The following NECAB1 variants were observed in gnomAD, a reference collection of about 807,000 sequenced individuals.
NECAB1 encodes N-terminal EF-hand calcium-binding protein 1.
NECAB1 carries 29 observed loss-of-function variants against 57.5 expected under a neutral mutation model. That is an observed-to-expected ratio of 0.50 (90% CI 0.38 to 0.69). NECAB1 has a LOEUF of 0.69. NECAB1 is among the 30% of genes least tolerant of loss of function. The probability of loss-of-function intolerance (pLI) is 0.00; values close to 1 mark genes in which losing one functional copy is unlikely to be tolerated. For missense variants in NECAB1, 372 were observed against 413.8 expected (o/e 0.90, Z 0.88); for synonymous variants, 142 against 147.7 (o/e 0.96, Z 0.28).
intron 3 of NECAB1, among the ~76,000 whole-genome samples, chr8:90,866,882 C>T (rs188761161): frequency 1.8e-4 from 27 of 152,236 alleles, no homozygotes; most frequent in Non-Finnish European, 2.8e-4. Flanking sequence ...TATCATTTGA[C>T]CCAGCAATCT....
intron 5 of NECAB1, among the ~76,000 whole-genome samples, chr8:90,889,676 T>G (rs1247922838): frequency 6.6e-6 from 1 of 152,208 alleles, no homozygotes; most frequent in African/African-American, 2.4e-5. Flanking sequence ...TGGCTTCCAT[T>G]TGTCACCACA....
chr8:90,927,144 C>T (rs1251695718), intron 7 of NECAB1, among the ~76,000 whole-genome samples: 9 of 150,300 alleles, frequency 6.0e-5, no homozygotes, highest in East Asian at 2.0e-4. Context: ...TTAAAAAAAA[C>T]ATAAATTTTA....
chr8:90,794,418 G>A (rs1261558246), intron 1 of NECAB1, among the ~76,000 whole-genome samples: 3 of 152,120 alleles, frequency 2.0e-5, no homozygotes, highest in Non-Finnish European at 2.9e-5. Flanking sequence ...ACTGGAACAG[G>A]TAATTTTCTG....
chr8:90,906,885 A>ATATG (rs1554574058), intron 5 of NECAB1, among the ~76,000 whole-genome samples: 1 of 120,926 alleles, frequency 8.3e-6, no homozygotes, highest in African/African-American at 3.5e-5. Context: ...ACATATATAT[A>ATATG]TATATATATA....
At chr8:90,824,178 G>C (rs1446536808) in intron 2 of NECAB1, among the ~76,000 whole-genome samples, 1 of 151,448 alleles carries the variant, frequency 6.6e-6, no homozygotes, top group Non-Finnish European at 1.5e-5. Flanking sequence ...CTCTCTGATT[G>C]GGTTTCACCT....
At chr8:90,844,269 C>CT (rs931416071) in intron 3 of NECAB1, among the ~76,000 whole-genome samples, 27 of 152,054 alleles carry the variant, frequency 1.8e-4, no homozygotes, top group African/African-American at 6.5e-4. Flanking sequence ...CCCACTTGAC[C>CT]TTTGGTTAGT....
chr8:90,917,483 C>A lies in NECAB1; in HGVS notation c.358-9C>A. On this transcript the variant is annotated splice_polypyrimidine_tract_variant and intron_variant, in intron 5 of 12. Coordinates refer to ENST00000417640, the MANE Select transcript of NECAB1 (RefSeq NM_022351.5). The stretch of plus-strand genomic sequence containing the variant: ...ATACTTCTAATTGCATTTGTTTTGT[C>A]ACCCTTAGGACTACCAAGAAGCCTC... 6.4e-7 allele frequency: 1 copy of A among 1,563,650 alleles called. No homozygotes were observed. The highest frequency in any genetic ancestry group is 8.6e-7 in the Non-Finnish European group (1 of 1,158,742).
At chr8:90,896,792 TCTAA>T (rs1460853682) in intron 5 of NECAB1, among the ~76,000 whole-genome samples, 2 of 152,114 alleles carry the variant, frequency 1.3e-5, no homozygotes, top group Non-Finnish European at 1.5e-5. Flanking sequence ...CCTACTCCAC[TCTAA>T]CTCATTCGGA....
intron 2 of NECAB1, among the ~76,000 whole-genome samples, chr8:90,821,124 C>G (rs912565299): frequency 1.3e-5 from 2 of 151,786 alleles, no homozygotes; most frequent in Admixed American, 6.6e-5. Flanking sequence ...CCTCAAGCCC[C>G]CATCGCCCAT....
chr8:90,810,698 T>TA (rs1563493644), intron 2 of NECAB1, among the ~76,000 whole-genome samples: 1 of 152,108 alleles, frequency 6.6e-6, no homozygotes, highest in Non-Finnish European at 1.5e-5. Context: ...AGGCAGACTA[T>TA]AAAAAAACTG....
intron 10 of NECAB1, among the ~76,000 whole-genome samples, chr8:90,949,149 T>A (rs1810874495): frequency 8.2e-5 from 1 of 12,230 alleles, no homozygotes; most frequent in South Asian, 2.1e-3. Flanking sequence ...AGGCACTTTG[T>A]GTGTGTGTGT....
chr8:90,813,593 T>C (rs1450708235), intron 2 of NECAB1, among the ~76,000 whole-genome samples: 1 of 152,188 alleles, frequency 6.6e-6, no homozygotes, highest in Non-Finnish European at 1.5e-5. Flanking sequence ...AGTGGCGTAA[T>C]CATAGCTCAC....
intron 2 of NECAB1, among the ~76,000 whole-genome samples, chr8:90,804,682 A>G (rs1811818614): frequency 6.6e-6 from 1 of 152,168 alleles, no homozygotes; most frequent in African/African-American, 2.4e-5. Context: ...AGGATTGAGG[A>G]TGTTCTGCTC....
chr8:90,800,550 A>G (rs988738385), intron 1 of NECAB1, among the ~76,000 whole-genome samples: 5 of 152,230 alleles, frequency 3.3e-5, no homozygotes, highest in Non-Finnish European at 5.9e-5. Context: ...GGATTTTATC[A>G]AAGTCTTTTC....
At chr8:90,800,339 A>G (rs1278984717) in intron 1 of NECAB1, among the ~76,000 whole-genome samples, 1 of 152,038 alleles carries the variant, frequency 6.6e-6, no homozygotes, top group East Asian at 1.9e-4. Context: ...TTCCAGTACT[A>G]TGTTGAATAG....
intron 1 of NECAB1, among the ~76,000 whole-genome samples, chr8:90,793,996 T>TACAGACCACAGAA (rs1368782899): frequency 7.2e-5 from 11 of 152,216 alleles, no homozygotes; most frequent in African/African-American, 2.4e-4. Context: ...AGTCTGTGAA[T>TACAGACCACAGAA]AGGGTGGTCT....
intron 3 of NECAB1, among the ~76,000 whole-genome samples, chr8:90,828,603 A>G (rs745665911): frequency 5.9e-5 from 9 of 152,056 alleles, no homozygotes; most frequent in Non-Finnish European, 1.0e-4. Flanking sequence ...TAGAAGTGAA[A>G]AGAACCCTGA....
intron 6 of NECAB1, among the ~76,000 whole-genome samples, chr8:90,922,980 T>C (rs975412198): frequency 6.6e-6 from 1 of 152,068 alleles, no homozygotes; most frequent in African/African-American, 2.4e-5. Flanking sequence ...GGACAGAAAC[T>C]TGGAAGGTGG....
In NECAB1 at chr8:90,890,496, T is replaced by C. The variant is rs1036290960; in HGVS notation, c.357+9366T>C. Among the ~76,000 whole-genome samples, 3 of 152,278 alleles carry C rather than the reference T, an allele frequency of 2.0e-5. No individual in the cohort carries two copies. In the East Asian group the frequency reaches 5.8e-4, roughly 29 times the overall value. ...GCAATGTGAGAACAGACTAATACAGTAAAAATTCTGAAAGATAATGAGAAT... is the reference window on the plus strand; with the variant it reads ...GCAATGTGAGAACAGACTAATACAGCAAAAATTCTGAAAGATAATGAGAAT... On this transcript the variant is annotated intron_variant, in intron 5 of 12. Transcript: ENST00000417640.
Sources: allele counts gnomAD v4.1 joint callset (sites outside exome capture counted in the v4.1 genomes callset), GRCh38; gene constraint gnomAD v4.1.1; transcripts MANE v1.5; gene names NCBI Gene and HGNC (gene_info 2026-07-23, HGNC 2026-07-21).